The following PCGF3 variants were observed in gnomAD, a reference collection of about 807,000 sequenced individuals.
PCGF3 encodes the protein polycomb group ring finger 3.
A neutral mutation model predicts 33.1 loss-of-function variants in PCGF3; 7 were observed. The ratio of observed to expected loss-of-function variants is 0.21; its 90% CI spans 0.12 to 0.40. The LOEUF (loss-of-function observed/expected upper bound fraction) is 0.40, where lower values mean the gene tolerates loss of function less well. Among genes scored for constraint, PCGF3 ranks in the 10% least tolerant of loss-of-function variants. PCGF3 has a pLI of 1.00. For synonymous variants in PCGF3, 153 were observed against 121.3 expected, an observed-to-expected ratio of 1.26 and a Z score of -1.72; for missense variants, 211 against 313.3, an observed-to-expected ratio of 0.67 and a Z score of 2.46.
intron 1 of PCGF3, among the ~76,000 whole-genome samples, chr4:706,978 C>A (rs1000808511): frequency 6.6e-6 from 1 of 151,208 alleles, no homozygotes; most frequent in African/African-American, 2.4e-5. Flanking sequence ...GGACCCCAGC[C>A]CAGGCAGGAC....
At chr4:740,483 G>C (rs1454930139) in intron 6 of PCGF3, among the ~76,000 whole-genome samples, 1 of 152,048 alleles carries the variant, frequency 6.6e-6, no homozygotes, top group Non-Finnish European at 1.5e-5. Flanking sequence ...CGGTGGGCGT[G>C]TCATGGTCTT....
Position 738,853 on chromosome 4 carries a change from C to T in PCGF3, c.262+1332C>T, listed in dbSNP as rs1376524171. On this transcript the variant is annotated intron_variant, in intron 6 of 10. Coordinates refer to ENST00000362003, the Ensembl canonical transcript of PCGF3. ...CAGGCTGGGCGACAGAGCAAGACTC[C>T]GTCTCAAAAAAATAAATAAATAAAT... Among the ~76,000 whole-genome samples the T allele has an allele frequency of 2.3e-5, 3 of 128,786 alleles. No individual in the cohort carries two copies. The South Asian group carries it at 8.7e-4, about 37-fold the overall frequency. The allele number at this position is 128,786 out of a possible 152,430, so 84.5% of individuals were successfully genotyped here. A position where few individuals can be genotyped will look rare whatever the true frequency, so the allele number is the denominator to read the frequency against.
intron 1 of PCGF3, among the ~76,000 whole-genome samples, chr4:726,111 C>T (rs1482034665): frequency 1.3e-5 from 2 of 152,328 alleles, no homozygotes; most frequent in South Asian, 2.1e-4. Flanking sequence ...GGAATGGTCT[C>T]GTGGGTGCGC....
intron 6 of PCGF3, among the ~76,000 whole-genome samples, chr4:738,412 G>A (rs1743931480): frequency 6.6e-6 from 1 of 152,180 alleles, no homozygotes; most frequent in South Asian, 2.1e-4. Flanking sequence ...AAGTTTTTTA[G>A]TCCTGAGAAA....
chr4:734,455 T>G (rs2109616115), intron 4 of PCGF3: 1 of 1,263,604 alleles, frequency 7.9e-7, no homozygotes, highest in South Asian at 3.1e-5. Context: ...CTTTAGGAAA[T>G]AAAATATTTG....
At chr4:749,905 CCTCCTGGG>C (rs1395660644) in intron 8 of PCGF3, among the ~76,000 whole-genome samples, 1 of 152,256 alleles carries the variant, frequency 6.6e-6, no homozygotes, top group Non-Finnish European at 1.5e-5. Context: ...GTACCCTCTG[CCTCCTGGG>C]CTCCTGCCCA....
intron 6 of PCGF3, among the ~76,000 whole-genome samples, chr4:739,709 C>G (rs1273050412): frequency 6.6e-6 from 1 of 152,226 alleles, no homozygotes; most frequent in African/African-American, 2.4e-5. Context: ...CATGCCACCT[C>G]CGTTCCATCG....
chr4:722,287 A>C, intron 1 of PCGF3: 1 of 164,220 alleles, frequency 6.1e-6, no homozygotes, highest in Non-Finnish European at 1.3e-5. Context: ...AACAAAAAGC[A>C]GAAGCTACTG....
chr4:753,254 G>A (rs1164072608), intron 8 of PCGF3, among the ~76,000 whole-genome samples: 1 of 152,222 alleles, frequency 6.6e-6, no homozygotes, highest in African/African-American at 2.4e-5. Flanking sequence ...TGCAATCTCA[G>A]CTCCCTGCAG....
chr4:756,424 T>G (rs6599374), intron 8 of PCGF3, among the ~76,000 whole-genome samples: 112,972 of 150,978 alleles, frequency 0.75, 42,630 homozygotes, highest in South Asian at 0.87. Context: ...TGTTGGCCCG[T>G]CTGGCCTCGA....
intron 6 of PCGF3, among the ~76,000 whole-genome samples, chr4:740,175 G>A (rs1419279486): frequency 1.3e-5 from 2 of 152,208 alleles, no homozygotes; most frequent in African/African-American, 2.4e-5. Flanking sequence ...GTGGTGAGGC[G>A]AGGTGTCAGC....
chr4:751,481 C>G (rs545087280), intron 8 of PCGF3, among the ~76,000 whole-genome samples: 1 of 152,240 alleles, frequency 6.6e-6, no homozygotes, highest in African/African-American at 2.4e-5. Flanking sequence ...AGTGCGGTGG[C>G]CCCTGAGCTC....
chr4:738,491 G>A (rs907642554), intron 6 of PCGF3, among the ~76,000 whole-genome samples: 2 of 151,854 alleles, frequency 1.3e-5, no homozygotes, highest in African/African-American at 2.4e-5. Context: ...TTTCAGACGC[G>A]TAGCAGTGGG....
At chr4:743,614 C>T (rs1003608226) in intron 7 of PCGF3, 30 bp downstream of exon 7, 8 of 1,274,910 alleles carry the variant, frequency 6.3e-6, no homozygotes, top group Non-Finnish European at 9.2e-6. Context: ...ATCCAGAAGC[C>T]CCGGGAATCC....
chr4:765,432 CA>C (rs33972537), intron 10 of PCGF3, among the ~76,000 whole-genome samples: 39,275 of 139,260 alleles, frequency 0.28, 5,906 homozygotes, highest in Middle Eastern at 0.46. Flanking sequence ...GACTCTGTCT[CA>C]AAAAAAAAAA....
chr4:739,775 C>T (rs1236961599), intron 6 of PCGF3, among the ~76,000 whole-genome samples: 1 of 152,208 alleles, frequency 6.6e-6, no homozygotes, highest in Non-Finnish European at 1.5e-5. Context: ...GTTGTATGTT[C>T]TCGTCCACCT....
At chr4:741,242 C>T (rs901004694) in intron 6 of PCGF3, among the ~76,000 whole-genome samples, 1 of 152,198 alleles carries the variant, frequency 6.6e-6, no homozygotes, top group African/African-American at 2.4e-5. Flanking sequence ...TGTCTCATCA[C>T]AGCAGAATTT....
intron 8 of PCGF3, among the ~76,000 whole-genome samples, chr4:749,266 G>A (rs1302696987): frequency 6.6e-6 from 1 of 152,092 alleles, no homozygotes; most frequent in Non-Finnish European, 1.5e-5. Context: ...CCATGTTCAA[G>A]CGATTATCCT....
At chr4:763,592 G>A (rs549660306) in intron 9 of PCGF3, among the ~76,000 whole-genome samples, 130 of 152,316 alleles carry the variant, frequency 8.5e-4, no homozygotes, top group Non-Finnish European at 1.6e-3. Flanking sequence ...GGGAAACGCC[G>A]GGAGCGCAGG....
Sources: gnomAD v4.1 joint callset for allele counts (sites outside exome capture counted in the v4.1 genomes callset) on GRCh38, gnomAD v4.1.1 for gene constraint, MANE v1.5 for transcripts, NCBI Gene and HGNC (gene_info 2026-07-23, HGNC 2026-07-21) for gene names.